Variants in PRTFDC1 observed in about 807,000 individuals in gnomAD.
The protein encoded by PRTFDC1 is phosphoribosyltransferase domain-containing protein 1.
Under a neutral mutation model 34.6 loss-of-function variants are expected in PRTFDC1, and 38 were observed. That is an observed-to-expected ratio of 1.10 (90% CI 0.85 to 1.44). PRTFDC1 has a LOEUF of 1.44. PRTFDC1 is among the 40% of genes most tolerant of loss of function. The probability of loss-of-function intolerance (pLI) is 0.00; values close to 1 mark genes in which losing one functional copy is unlikely to be tolerated. For synonymous variants in PRTFDC1, 93 were observed against 98.1 expected (o/e 0.95, Z 0.31); for missense variants, 270 against 283.0 (o/e 0.95, Z 0.33).
chr10:24,898,320 TG>T (rs1195920725), intron 3 of PRTFDC1, among the ~76,000 whole-genome samples: 1 of 146,404 alleles, frequency 6.8e-6, no homozygotes, highest in East Asian at 2.0e-4. Context: ...AAAAATTAGC[TG>T]GGCCTGGTGG....
At chr10:24,865,551 T>C (rs1455494928) in intron 4 of PRTFDC1, among the ~76,000 whole-genome samples, 5 of 152,162 alleles carry the variant, frequency 3.3e-5, no homozygotes, top group East Asian at 1.9e-4. Context: ...AAAAACTCTA[T>C]GAGGAATCTC....
intron 3 of PRTFDC1, chr10:24,908,330 C>A: frequency 3.7e-6 from 3 of 816,332 alleles, no homozygotes; most frequent in Non-Finnish European, 5.5e-6. Flanking sequence ...TTTTATCCAG[C>A]ATGTTTCTTT....
chr10:24,917,661 G>A (rs1042837083), intron 3 of PRTFDC1, among the ~76,000 whole-genome samples: 1 of 152,132 alleles, frequency 6.6e-6, no homozygotes, highest in Non-Finnish European at 1.5e-5. Context: ...AAGAGCTGAT[G>A]GGAAAGAGTT....
At chr10:24,874,569 T>C (rs1180686731) in intron 3 of PRTFDC1, among the ~76,000 whole-genome samples, 1 of 152,166 alleles carries the variant, frequency 6.6e-6, no homozygotes, top group Non-Finnish European at 1.5e-5. Context: ...CAGATCAGAG[T>C]AAATTTCACA....
intron 3 of PRTFDC1, among the ~76,000 whole-genome samples, chr10:24,874,130 G>A (rs78464287): frequency 0.015 from 2,312 of 151,908 alleles, 64 homozygotes; most frequent in African/African-American, 0.053. Flanking sequence ...GATGGTTGGA[G>A]GGGGCACAGG....
chr10:24,949,219 A>G (rs1849298353), intron 1 of PRTFDC1, among the ~76,000 whole-genome samples: 2 of 151,994 alleles, frequency 1.3e-5, no homozygotes, highest in South Asian at 4.2e-4. Flanking sequence ...CCTCCCCGGT[A>G]GCTGGGACTA....
rs927828049 is a variant in PRTFDC1, at chr10:24,849,146, G to T, written c.*698C>A. On this transcript the variant is annotated 3_prime_UTR_variant, in exon 9 of 9. Transcript: ENST00000320152. ...TATTTTTTTCTAATTAAAATTCAGA[G>T]TATTAAACACAGTTGAGTACATCCA... 5 of 152,462 alleles carry T rather than the reference G, an allele frequency of 3.3e-5. No homozygotes were observed. Among genetic ancestry groups the T allele is most frequent in the African/African-American group, 1.2e-4 (5 of 41,434 alleles). The allele number at this position is 152,462 out of a possible 1,614,324, so 9.4% of individuals were successfully genotyped here.
chr10:24,933,100 G>A (rs1016518675), intron 3 of PRTFDC1, among the ~76,000 whole-genome samples: 5 of 151,690 alleles, frequency 3.3e-5, no homozygotes, highest in East Asian at 1.9e-4. Context: ...ACCTTATATC[G>A]TAGTAAAAAA....
At chr10:24,851,520 T>C in intron 7 of PRTFDC1, 56 bp from the exon 8 acceptor site, 1 of 1,578,898 alleles carries the variant, frequency 6.3e-7, no homozygotes, top group Non-Finnish European at 8.5e-7. Flanking sequence ...ATTATATAAA[T>C]GCAAGTCACC....
intron 7 of PRTFDC1, among the ~76,000 whole-genome samples, chr10:24,855,011 C>T (rs1427348661): frequency 6.6e-6 from 1 of 152,210 alleles, no homozygotes; most frequent in Admixed American, 6.5e-5. Flanking sequence ...CTCCCTGAAA[C>T]TTTTCAGCTG....
At chr10:24,914,568 G>A (rs927821109) in intron 3 of PRTFDC1, among the ~76,000 whole-genome samples, 17 of 152,146 alleles carry the variant, frequency 1.1e-4, no homozygotes, top group African/African-American at 3.9e-4. Context: ...AGCATCCCAT[G>A]GGTGTGATAT....
intron 1 of PRTFDC1, among the ~76,000 whole-genome samples, chr10:24,943,152 C>G (rs1849195775): frequency 6.7e-6 from 1 of 150,324 alleles, no homozygotes; most frequent in Non-Finnish European, 1.5e-5. Context: ...CATACTATTA[C>G]ATTTCTATTC....
At chr10:24,892,938 G>T (rs999824359) in intron 3 of PRTFDC1, among the ~76,000 whole-genome samples, 2 of 152,162 alleles carry the variant, frequency 1.3e-5, no homozygotes, top group African/African-American at 4.8e-5. Flanking sequence ...GTTTATATTT[G>T]GCTGAGGAGT....
intron 8 of PRTFDC1, 76 bp from the exon 9 acceptor site, chr10:24,849,967 C>G: frequency 7.5e-7 from 1 of 1,341,948 alleles, no homozygotes; most frequent in Non-Finnish European, 1.1e-6. Context: ...GCAGTAATAA[C>G]CGAATGCCAT....
chr10:24,855,831 G>T (rs1847563559), intron 6 of PRTFDC1, among the ~76,000 whole-genome samples: 1 of 151,840 alleles, frequency 6.6e-6, no homozygotes, highest in African/African-American at 2.4e-5. Context: ...TTTTTAAAAA[G>T]GTAGCTGTCA....
intron 1 of PRTFDC1, among the ~76,000 whole-genome samples, chr10:24,948,216 C>T (rs1849283121): frequency 6.6e-6 from 1 of 152,190 alleles, no homozygotes; most frequent in Non-Finnish European, 1.5e-5. Flanking sequence ...CTCCTGATTC[C>T]TACCAAACTC....
chr10:24,927,763 G>GT (rs973578637), intron 3 of PRTFDC1, among the ~76,000 whole-genome samples: 3 of 151,910 alleles, frequency 2.0e-5, no homozygotes, highest in Admixed American at 2.0e-4. Context: ...TGTGCTTTTA[G>GT]TAGAGGTGAG....
chr10:24,899,679 A>G (rs1848420639), intron 3 of PRTFDC1, among the ~76,000 whole-genome samples: 1 of 152,186 alleles, frequency 6.6e-6, no homozygotes, highest in South Asian at 2.1e-4. Context: ...TCTGAACCAT[A>G]TACTTTAGAG....
At chr10:24,888,658 C>A (rs1316364244) in intron 3 of PRTFDC1, among the ~76,000 whole-genome samples, 1 of 152,156 alleles carries the variant, frequency 6.6e-6, no homozygotes, top group African/African-American at 2.4e-5. Context: ...CAGAAAAACA[C>A]TAGAATGTTA....
Sources: allele counts gnomAD v4.1 joint callset (sites outside exome capture counted in the v4.1 genomes callset), GRCh38; gene constraint gnomAD v4.1.1; transcripts MANE v1.5; gene names NCBI Gene and HGNC (gene_info 2026-07-23, HGNC 2026-07-21).